Variants in HAPLN1 observed in about 807,000 individuals in gnomAD.
HAPLN1 encodes hyaluronan and proteoglycan link protein 1, also known as Cartilage link protein.
A neutral mutation model predicts 36.5 loss-of-function variants in HAPLN1; 13 were observed. That is an observed-to-expected ratio of 0.36 (90% CI 0.23 to 0.57). The LOEUF is 0.57. Ranked by LOEUF, HAPLN1 falls within the 20% of genes least tolerant of loss-of-function variation. HAPLN1 has a pLI of 0.83. For missense variants in HAPLN1, 407 were observed against 439.7 expected, an observed-to-expected ratio of 0.93 and a Z score of 0.66; for synonymous variants, 202 against 169.8, an observed-to-expected ratio of 1.19 and a Z score of -1.48.
intron 2 of HAPLN1, among the ~76,000 whole-genome samples, chr5:83,656,529 A>G (rs184879177): frequency 6.4e-4 from 97 of 152,210 alleles, no homozygotes; most frequent in African/African-American, 2.3e-3. Context: ...AAAGGTGCAC[A>G]TAAACACTTG....
intron 1 of HAPLN1, among the ~76,000 whole-genome samples, chr5:83,689,648 C>T (rs920483156): frequency 6.6e-6 from 1 of 151,988 alleles, no homozygotes; most frequent in Non-Finnish European, 1.5e-5. Flanking sequence ...ATCAAATGTG[C>T]AGAATAGGCT....
intron 4 of HAPLN1, among the ~76,000 whole-genome samples, chr5:83,642,012 TA>T (rs1749717906): frequency 1.3e-5 from 2 of 152,302 alleles, no homozygotes; most frequent in Admixed American, 1.3e-4. Context: ...GCCCCTTTTA[TA>T]GCTTTAAAAA....
intron 4 of HAPLN1, among the ~76,000 whole-genome samples, chr5:83,643,313 G>A (rs1471014484): frequency 6.9e-6 from 1 of 144,344 alleles, no homozygotes; most frequent in Non-Finnish European, 1.5e-5. Flanking sequence ...TCATGCTACT[G>A]TACTCCAGCC....
chr5:83,707,315 A>G (rs997341508), intron 1 of HAPLN1, among the ~76,000 whole-genome samples: 4 of 152,174 alleles, frequency 2.6e-5, no homozygotes, highest in African/African-American at 4.8e-5. Context: ...GAAGAATCAC[A>G]TTACCCACCT....
At chr5:83,694,302 G>A (rs1231725644) in intron 1 of HAPLN1, among the ~76,000 whole-genome samples, 1 of 151,928 alleles carries the variant, frequency 6.6e-6, no homozygotes, top group South Asian at 2.1e-4. Context: ...GCAATACTTA[G>A]TTTAGAAAGT....
At chr5:83,696,626 G>T (rs1352313466) in intron 1 of HAPLN1, among the ~76,000 whole-genome samples, 1 of 152,050 alleles carries the variant, frequency 6.6e-6, no homozygotes, top group Non-Finnish European at 1.5e-5. Flanking sequence ...TGGCCAAACT[G>T]CTCTTCAGAA....
chr5:83,646,270 T>A (rs184106841), intron 3 of HAPLN1, among the ~76,000 whole-genome samples: 39 of 152,370 alleles, frequency 2.6e-4, no homozygotes, highest in Admixed American at 2.1e-3. Flanking sequence ...TTGAATTTTT[T>A]AATATAATTA....
intron 1 of HAPLN1, among the ~76,000 whole-genome samples, chr5:83,691,146 C>A (rs542952818): frequency 5.9e-5 from 9 of 152,086 alleles, no homozygotes; most frequent in South Asian, 2.1e-4. Context: ...AGAAAGTTTT[C>A]ATACAGTACA....
chr5:83,710,919 C>A (rs1025974743), intron 1 of HAPLN1, among the ~76,000 whole-genome samples: 5 of 151,894 alleles, frequency 3.3e-5, no homozygotes, highest in Admixed American at 6.6e-5. Flanking sequence ...CCATGGCACT[C>A]CAGCCTGGGC....
chr5:83,657,484 A>G (rs1328070067), intron 2 of HAPLN1, among the ~76,000 whole-genome samples: 1 of 152,162 alleles, frequency 6.6e-6, no homozygotes, highest in Admixed American at 6.5e-5. Flanking sequence ...ATGACATTAC[A>G]TGAAATTGGG....
chr5:83,657,826 T>C (rs1340228145), intron 2 of HAPLN1, among the ~76,000 whole-genome samples: 1 of 150,580 alleles, frequency 6.6e-6, no homozygotes, highest in Non-Finnish European at 1.5e-5. Flanking sequence ...AAAACCCAAC[T>C]GGGGAATGTA....
intron 2 of HAPLN1, among the ~76,000 whole-genome samples, chr5:83,663,804 T>C (rs1208279245): frequency 2.0e-5 from 3 of 150,962 alleles, no homozygotes; most frequent in Non-Finnish European, 4.4e-5. Context: ...CTTCACTTTT[T>C]TTTTTTTTTT....
At chr5:83,671,150 G>A (rs1368235500) in intron 2 of HAPLN1, among the ~76,000 whole-genome samples, 1 of 152,162 alleles carries the variant, frequency 6.6e-6, no homozygotes, top group Non-Finnish European at 1.5e-5. Flanking sequence ...AAAATGTTGA[G>A]CTTCTGCATC....
chr5:83,698,026 T>C (rs1751431692), intron 1 of HAPLN1, among the ~76,000 whole-genome samples: 1 of 152,186 alleles, frequency 6.6e-6, no homozygotes, highest in Non-Finnish European at 1.5e-5. Flanking sequence ...TAATGAGGCC[T>C]CATTTATTAA....
chr5:83,670,091 T>C (rs2112593646), intron 2 of HAPLN1, among the ~76,000 whole-genome samples: 1 of 152,352 alleles, frequency 6.6e-6, no homozygotes, highest in South Asian at 2.1e-4. Flanking sequence ...CTCTGTTATC[T>C]GTAAATGTCT....
At chr5:83,677,631 A>G (rs1750889348) in intron 1 of HAPLN1, among the ~76,000 whole-genome samples, 1 of 152,178 alleles carries the variant, frequency 6.6e-6, no homozygotes, top group African/African-American at 2.4e-5. Context: ...AGAAGGAAGA[A>G]AAGTGAGCTC....
At chr5:83,671,139 T>C (rs541050131) in intron 2 of HAPLN1, among the ~76,000 whole-genome samples, 11 of 152,304 alleles carry the variant, frequency 7.2e-5, no homozygotes, top group African/African-American at 2.6e-4. Flanking sequence ...AATGTATCAT[T>C]AAAATGTTGA....
chr5:83,666,009 T>G (rs1371088091), intron 2 of HAPLN1, among the ~76,000 whole-genome samples: 2 of 152,240 alleles, frequency 1.3e-5, no homozygotes, highest in Non-Finnish European at 2.9e-5. Context: ...GAAGTAATTT[T>G]ATTTCAAATA....
At chr5:83,709,718 C>T (rs1751732795) in intron 1 of HAPLN1, among the ~76,000 whole-genome samples, 1 of 152,160 alleles carries the variant, frequency 6.6e-6, no homozygotes, top group Non-Finnish European at 1.5e-5. Context: ...CTAATTGTCA[C>T]AGCAATGAAA....
Sources: gnomAD v4.1 joint callset for allele counts (sites outside exome capture counted in the v4.1 genomes callset) on GRCh38, gnomAD v4.1.1 for gene constraint, MANE v1.5 for transcripts, NCBI Gene and HGNC (gene_info 2026-07-23, HGNC 2026-07-21) for gene names.